Variants in RABGAP1L observed in about 807,000 individuals in gnomAD.
RABGAP1L encodes the protein RAB GTPase activating protein 1 like, also known as rab GTPase-activating protein 1-like.
RABGAP1L carries 63 observed loss-of-function variants against 137.7 expected under a neutral mutation model. The observed-to-expected ratio is 0.46, with a 90% CI of 0.37 to 0.56. The LOEUF is 0.56. Ranked by LOEUF, RABGAP1L falls within the 20% of genes least tolerant of loss-of-function variation. The pLI, the probability that RABGAP1L is intolerant of heterozygous loss-of-function variation, is 0.00. For synonymous variants in RABGAP1L, 431 were observed against 433.7 expected (o/e 0.99, Z 0.08); for missense variants, 1,095 against 1,244.0 (o/e 0.88, Z 1.80).
intron 1 of RABGAP1L, among the ~76,000 whole-genome samples, chr1:174,213,287 C>T (rs774363852): frequency 1.6e-4 from 25 of 151,870 alleles, no homozygotes; most frequent in African/African-American, 5.6e-4. Context: ...TAACTGGGCA[C>T]GGTGGTGCAT....
intron 12 of RABGAP1L, among the ~76,000 whole-genome samples, chr1:174,387,005 G>A (rs943108079): frequency 3.9e-5 from 6 of 152,108 alleles, no homozygotes; most frequent in African/African-American, 1.4e-4. Flanking sequence ...TCTCCACTCA[G>A]TTTCTAAAAT....
chr1:174,212,514 T>C (rs572440742), intron 1 of RABGAP1L, among the ~76,000 whole-genome samples: 17 of 151,858 alleles, frequency 1.1e-4, no homozygotes, highest in African/African-American at 3.1e-4. Flanking sequence ...AAACAGAAGA[T>C]ACCAAAACAT....
At chr1:174,925,409 T>C (rs1308581876) in intron 19 of RABGAP1L, among the ~76,000 whole-genome samples, 2 of 130,060 alleles carry the variant, frequency 1.5e-5, no homozygotes, top group African/African-American at 2.9e-5. Context: ...AAAAAACAGC[T>C]GGTGAAAAAA....
At chr1:174,707,482 G>A (rs1007698267) in intron 17 of RABGAP1L, among the ~76,000 whole-genome samples, 15 of 152,070 alleles carry the variant, frequency 9.9e-5, no homozygotes, top group African/African-American at 2.7e-4. Flanking sequence ...ATGTAGAGAC[G>A]GTATGACATT....
At chr1:174,291,224 G>A (rs1676573275) in intron 10 of RABGAP1L, among the ~76,000 whole-genome samples, 1 of 150,966 alleles carries the variant, frequency 6.6e-6, no homozygotes, top group Non-Finnish European at 1.5e-5. Flanking sequence ...GCATCTTTGT[G>A]GTTTTTCCCC....
chr1:174,433,486 A>G (rs1425217369), intron 13 of RABGAP1L, among the ~76,000 whole-genome samples: 1 of 152,208 alleles, frequency 6.6e-6, no homozygotes, highest in Non-Finnish European at 1.5e-5. Context: ...TGATCGAGAA[A>G]CATAGTGGAA....
At chr1:174,262,357 A>C (rs1673648987) in intron 7 of RABGAP1L, among the ~76,000 whole-genome samples, 1 of 152,218 alleles carries the variant, frequency 6.6e-6, no homozygotes, top group Non-Finnish European at 1.5e-5. Flanking sequence ...TATTTTAAGA[A>C]ATACTTTTAA....
intron 7 of RABGAP1L, among the ~76,000 whole-genome samples, chr1:174,269,240 C>G (rs1488216352): frequency 6.6e-6 from 1 of 152,230 alleles, no homozygotes; most frequent in Non-Finnish European, 1.5e-5. Flanking sequence ...CACTGCGCCA[C>G]CGCGCCCGGC....
chr1:174,284,734 C>CTTTTTTTTT (rs59344382), intron 10 of RABGAP1L, among the ~76,000 whole-genome samples: 30 of 42,614 alleles, frequency 7.0e-4, no homozygotes, highest in Non-Finnish European at 9.1e-4. Context: ...TATTTCTTGT[C>CTTTTTTTTT]TTTTTTTTTT....
chr1:174,740,624 A>T (rs182967329), intron 17 of RABGAP1L, among the ~76,000 whole-genome samples: 63 of 152,164 alleles, frequency 4.1e-4, no homozygotes, highest in African/African-American at 1.4e-3. Context: ...TCAAATGGTA[A>T]TTATATTTTT....
intron 13 of RABGAP1L, among the ~76,000 whole-genome samples, chr1:174,528,396 T>G (rs539498073): frequency 1.3e-5 from 2 of 152,230 alleles, no homozygotes; most frequent in Non-Finnish European, 2.9e-5. Flanking sequence ...TCTGGTCTGG[T>G]GGTGATGAAT....
chr1:174,576,825 A>G (rs947119494), intron 13 of RABGAP1L, among the ~76,000 whole-genome samples: 1 of 152,162 alleles, frequency 6.6e-6, no homozygotes, highest in Non-Finnish European at 1.5e-5. Flanking sequence ...ATGGATCTGT[A>G]AAGGTTATGC....
At chr1:174,441,075 A>G (rs533407206) in intron 13 of RABGAP1L, among the ~76,000 whole-genome samples, 2 of 150,012 alleles carry the variant, frequency 1.3e-5, no homozygotes, top group East Asian at 1.9e-4. Context: ...TATAAAGAAT[A>G]AAACATATCC....
chr1:174,178,478 C>T (rs1037180276), intron 1 of RABGAP1L, among the ~76,000 whole-genome samples: 1 of 152,146 alleles, frequency 6.6e-6, no homozygotes, highest in Non-Finnish European at 1.5e-5. Flanking sequence ...AATCTCATTA[C>T]TGGGTATATA....
intron 19 of RABGAP1L, among the ~76,000 whole-genome samples, chr1:174,924,335 C>T (rs1035886342): frequency 2.3e-5 from 3 of 130,084 alleles, no homozygotes; most frequent in African/African-American, 3.1e-5. Flanking sequence ...TGAAGTGAGC[C>T]GAGATTGCGC....
intron 11 of RABGAP1L, among the ~76,000 whole-genome samples, chr1:174,349,045 G>C (rs1336693638): frequency 4.0e-3 from 100 of 24,728 alleles, no homozygotes; most frequent in Non-Finnish European, 6.3e-3. Context: ...CTGGCCGGGC[G>C]GGGGGGGGGC....
At chr1:174,670,219 GT>G (rs372159383) in intron 14 of RABGAP1L, among the ~76,000 whole-genome samples, 4 of 151,818 alleles carry the variant, frequency 2.6e-5, no homozygotes, top group African/African-American at 9.7e-5. Flanking sequence ...ATTCCTAAAT[GT>G]TTTTATAGCT....
intron 13 of RABGAP1L, among the ~76,000 whole-genome samples, chr1:174,521,660 A>G (rs1048966256): frequency 6.6e-5 from 10 of 152,228 alleles, no homozygotes; most frequent in Non-Finnish European, 1.2e-4. Context: ...GATGAGTGCT[A>G]ACTAATTTAG....
intron 13 of RABGAP1L, among the ~76,000 whole-genome samples, chr1:174,600,029 C>G (rs543579781): frequency 6.6e-6 from 1 of 152,256 alleles, no homozygotes; most frequent in East Asian, 1.9e-4. Context: ...TTTAATTGGA[C>G]TTACAGTTCG....
Sources: allele counts gnomAD v4.1 joint callset (sites outside exome capture counted in the v4.1 genomes callset), GRCh38; gene constraint gnomAD v4.1.1; transcripts MANE v1.5; gene names NCBI Gene and HGNC (gene_info 2026-07-23, HGNC 2026-07-21).